CCDC93: variants seen among roughly 807,000 people sequenced by gnomAD.
CCDC93 encodes coiled-coil domain-containing protein 93.
CCDC93 carries 61 observed loss-of-function variants against 108.2 expected under a neutral mutation model. That is an observed-to-expected ratio of 0.56 (90% CI 0.46 to 0.70). The LOEUF (loss-of-function observed/expected upper bound fraction) is 0.70, where lower values mean the gene tolerates loss of function less well. Among genes scored for constraint, CCDC93 ranks in the 30% least tolerant of loss-of-function variants. CCDC93 has a pLI of 0.00. For synonymous variants in CCDC93, 276 were observed against 260.4 expected, an observed-to-expected ratio of 1.06 and a Z score of -0.58; for missense variants, 685 against 764.2, an observed-to-expected ratio of 0.90 and a Z score of 1.22.
intron 8 of CCDC93, 141 bp from the exon 9 acceptor site, chr2:117,975,421 A>G: frequency 1.6e-6 from 1 of 636,416 alleles, no homozygotes; most frequent in Non-Finnish European, 2.8e-6. Flanking sequence ...GGATACTCCA[A>G]ACGGCTGAAC....
At position 117,935,629 on chromosome 2, in the gene CCDC93, A is replaced by C. The variant is rs748251232; in HGVS notation, c.1644-50T>G. ...TGACCGGCACACAGGACTCTGAGGCAGGGGGAAATGCCAAGCAGTCAGCTC... is the reference window on the plus strand; with the variant it reads ...TGACCGGCACACAGGACTCTGAGGCCGGGGGAAATGCCAAGCAGTCAGCTC... On this transcript the variant is annotated intron_variant, in intron 21 of 23. Transcript: ENST00000376300. 3.7e-6 allele frequency: 5 copies of C among 1,336,364 alleles called. No homozygotes were observed. In the East Asian group the frequency reaches 1.2e-4, roughly 31 times the overall value. 82.8% of individuals were successfully genotyped at this position (1,336,364 alleles called of 1,614,324 possible). A position where few individuals can be genotyped will look rare whatever the true frequency, so the allele number is the denominator to read the frequency against.
At chr2:117,957,895 C>A (rs1679268015) in intron 12 of CCDC93, among the ~76,000 whole-genome samples, 1 of 152,110 alleles carries the variant, frequency 6.6e-6, no homozygotes, top group Non-Finnish European at 1.5e-5. Flanking sequence ...ATTTAACACA[C>A]CTGTAATTAA....
In CCDC93 at chr2:118,006,825, C is replaced by T. The variant is rs776384095; in HGVS notation, c.157-9G>A. 1.9e-6 allele frequency: 3 copies of T among 1,548,018 alleles called. No individual in the cohort carries two copies. Among genetic ancestry groups the T allele is most frequent in the Non-Finnish European group, 1.8e-6 (2 of 1,121,180 alleles). On this transcript the variant is annotated splice_polypyrimidine_tract_variant and intron_variant, in intron 2 of 23. Coordinates refer to ENST00000376300, the MANE Select transcript of CCDC93 (RefSeq NM_019044.5). ...GTCATTCCTCCTACTACCTGCAAGA[C>T]ATAAAGAAAATATTTGTTTTCTCTT...
At chr2:117,994,217 T>C (rs1314882095) in intron 6 of CCDC93, among the ~76,000 whole-genome samples, 3 of 55,172 alleles carry the variant, frequency 5.4e-5, no homozygotes, top group Admixed American at 1.4e-4. Flanking sequence ...TCAACTTTAA[T>C]TTAATTCCCC....
intron 22 of CCDC93, among the ~76,000 whole-genome samples, chr2:117,932,049 A>G (rs1468724407): frequency 6.6e-6 from 1 of 151,772 alleles, no homozygotes; most frequent in Admixed American, 6.6e-5. Flanking sequence ...ACACGGGGGG[A>G]GGTGACGGAG....
intron 22 of CCDC93, among the ~76,000 whole-genome samples, chr2:117,931,993 G>C (rs898775714): frequency 6.6e-6 from 1 of 152,104 alleles, no homozygotes; most frequent in Non-Finnish European, 1.5e-5. Flanking sequence ...CTGACAAACA[G>C]ACACACAAAA....
chr2:118,002,504 A>G (rs1486583442), intron 3 of CCDC93, among the ~76,000 whole-genome samples: 1 of 152,222 alleles, frequency 6.6e-6, no homozygotes, highest in Non-Finnish European at 1.5e-5. Flanking sequence ...AGTTGGGACC[A>G]AGGTTAAAAC....
At chr2:117,994,908 A>G (rs1680597239) in intron 6 of CCDC93, among the ~76,000 whole-genome samples, 1 of 152,224 alleles carries the variant, frequency 6.6e-6, no homozygotes, top group Non-Finnish European at 1.5e-5. Context: ...ACAAGGTTCC[A>G]CAGCTCTGGC....
Position 117,941,228 on chromosome 2 carries a change from T to C in CCDC93, c.1483A>G (p.Ile495Val). ...TCAATAAATCTCTTCTGATACTGTATTAGCTCGGCACGGCTAGGGACTTCA... is the reference window on the plus strand; with the variant it reads ...TCAATAAATCTCTTCTGATACTGTACTAGCTCGGCACGGCTAGGGACTTCA... The part of the protein sequence containing the change: ...IDEVPSRAEL[I>V]QYQKRFIELY... Residue 495 changes from isoleucine to valine, a missense_variant, in exon 19 of 24, where the codon ATA becomes GTA. Ile to Val is a conservative substitution (Grantham distance 29, BLOSUM62 3). Transcript: ENST00000376300. 6.2e-7 allele frequency: 1 copy of C among 1,613,976 alleles called. No homozygotes were observed. Among genetic ancestry groups the C allele is most frequent in the Non-Finnish European group, 8.5e-7 (1 of 1,179,858 alleles).
At chr2:118,006,485 T>C (rs1260864562) in intron 3 of CCDC93, among the ~76,000 whole-genome samples, 1 of 152,190 alleles carries the variant, frequency 6.6e-6, no homozygotes, top group Non-Finnish European at 1.5e-5. Flanking sequence ...CTAATCAACT[T>C]CCACTGATAT....
At position 117,920,317 on chromosome 2, in the gene CCDC93, T is replaced by C. The variant is rs768152225; in HGVS notation, c.*26A>G. The C allele has an allele frequency of 8.8e-6, 14 of 1,583,400 alleles. No homozygotes were observed. The South Asian group carries it at 1.1e-4, about 13-fold the overall frequency. The stretch of plus-strand genomic sequence containing the variant: ...ATACGGTGCTTAAAAGTAAAATCAA[T>C]GACATACAGCCACGGCTGGGGATGT... On this transcript the variant is annotated 3_prime_UTR_variant, in exon 24 of 24. Coordinates refer to ENST00000376300, the MANE Select transcript of CCDC93 (RefSeq NM_019044.5).
At chr2:117,976,934 CTT>C (rs34472456) in intron 8 of CCDC93, among the ~76,000 whole-genome samples, 1,751 of 118,172 alleles carry the variant, frequency 0.015, 16 homozygotes, top group African/African-American at 0.023. Flanking sequence ...AATAACCAAT[CTT>C]TTTTTTTTTT....
intron 6 of CCDC93, among the ~76,000 whole-genome samples, chr2:117,994,514 G>C (rs1409221499): frequency 6.6e-6 from 1 of 152,072 alleles, no homozygotes; most frequent in Admixed American, 6.5e-5. Flanking sequence ...CCAAATGATT[G>C]TTCTTTTCAG....
intron 9 of CCDC93, 110 bp downstream of exon 9, chr2:117,975,078 G>A (rs940199375): frequency 1.8e-5 from 19 of 1,078,174 alleles, no homozygotes; most frequent in Non-Finnish European, 2.2e-5. Flanking sequence ...CCTGCTCACA[G>A]CAGCTGGCTG....
At chr2:117,978,085 A>G in intron 7 of CCDC93, 55 bp from the exon 8 acceptor site, 1 of 1,475,282 alleles carries the variant, frequency 6.8e-7, no homozygotes, top group East Asian at 2.3e-5. Flanking sequence ...CAATACATTC[A>G]GTGAAATGCA....
rs1679279860 is a variant in CCDC93 at position 117,958,266 on chromosome 2, T to C, written c.1005+99A>G. ...TTACAAAAACAAGTGGCAACTGGAC[T>C]GGCCCAAGCACCACAGTATGCCAAC... On this transcript the variant is annotated intron_variant, in intron 12 of 23. Coordinates refer to ENST00000376300, the MANE Select transcript of CCDC93 (RefSeq NM_019044.5). The C allele has an allele frequency of 1.7e-5, 12 of 724,310 alleles. No individual in the cohort carries two copies. The South Asian group carries it at 1.8e-4, about 11-fold the overall frequency. 44.9% of individuals were successfully genotyped at this position (724,310 alleles called of 1,614,324 possible). A position where few individuals can be genotyped will look rare whatever the true frequency, so the allele number is the denominator to read the frequency against.
chr2:117,939,528 T>G (rs148731884), intron 19 of CCDC93, among the ~76,000 whole-genome samples: 78 of 152,306 alleles, frequency 5.1e-4, no homozygotes, highest in African/African-American at 1.7e-3. Context: ...ATTTGTTCTG[T>G]GAAATAAATA....
At chr2:118,013,828 TG>T in intron 1 of CCDC93, 125 bp downstream of exon 1, 1 of 805,032 alleles carries the variant, frequency 1.2e-6, no homozygotes, top group Non-Finnish European at 1.9e-6. Flanking sequence ...TTCCCTGAGG[TG>T]GATACGCCTG....
chr2:118,005,752 CAA>C (rs11439902), intron 3 of CCDC93, among the ~76,000 whole-genome samples: 5 of 134,464 alleles, frequency 3.7e-5, no homozygotes, highest in Non-Finnish European at 7.9e-5. Context: ...GACTCTGTCT[CAA>C]AAAAAAAAAA....
Sources: gnomAD v4.1 joint callset for allele counts (sites outside exome capture counted in the v4.1 genomes callset) on GRCh38, gnomAD v4.1.1 for gene constraint, MANE v1.5 for transcripts, NCBI Gene and HGNC (gene_info 2026-07-23, HGNC 2026-07-21) for gene names.